Variants in PRKCA observed in about 807,000 individuals in gnomAD.
PRKCA encodes protein kinase C alpha, also known as protein kinase C alpha type.
A neutral mutation model predicts 87.0 loss-of-function variants in PRKCA; 27 were observed. The observed-to-expected ratio is 0.31, with a 90% confidence interval of 0.23 to 0.43. The LOEUF (loss-of-function observed/expected upper bound fraction) is 0.43, where lower values mean the gene tolerates loss of function less well. Ranked by LOEUF, PRKCA falls within the 20% of genes least tolerant of loss-of-function variation. PRKCA has a pLI of 1.00. For synonymous variants in PRKCA, 329 were observed against 311.1 expected, an observed-to-expected ratio of 1.06 and a Z score of -0.61; for missense variants, 518 against 852.3, an observed-to-expected ratio of 0.61 and a Z score of 4.88.
intron 2 of PRKCA, among the ~76,000 whole-genome samples, chr17:66,332,422 T>C (rs1906387435): frequency 6.6e-6 from 1 of 151,918 alleles, no homozygotes; most frequent in African/African-American, 2.4e-5. Flanking sequence ...GAGACAGGGT[T>C]TCCCCATGTT....
At chr17:66,327,284 G>A (rs577762635) in intron 2 of PRKCA, among the ~76,000 whole-genome samples, 4 of 149,448 alleles carry the variant, frequency 2.7e-5, no homozygotes, top group Admixed American at 6.7e-5. Context: ...GGAGAATGGC[G>A]TGAACCCAGG....
chr17:66,781,471 G>T (rs1468338482), intron 14 of PRKCA, among the ~76,000 whole-genome samples: 2 of 152,194 alleles, frequency 1.3e-5, no homozygotes, highest in Non-Finnish European at 2.9e-5. Flanking sequence ...GAAGTGAAAC[G>T]GGTTGTCTTA....
At chr17:66,510,121 C>T (rs1270697101) in intron 3 of PRKCA, among the ~76,000 whole-genome samples, 1 of 152,184 alleles carries the variant, frequency 6.6e-6, no homozygotes, top group Non-Finnish European at 1.5e-5. Context: ...ACTGGCCCAA[C>T]AAGAAACAGA....
intron 2 of PRKCA, among the ~76,000 whole-genome samples, chr17:66,432,592 A>G (rs1014555884): frequency 6.6e-6 from 1 of 152,134 alleles, no homozygotes; most frequent in African/African-American, 2.4e-5. Flanking sequence ...GGGCTTTTCT[A>G]AGTTCCTGTA....
rs976226468 is a variant in PRKCA at position 66,808,397 on chromosome 17, G to A, written c.*4360G>A. ...AAGTGACAATCTTGTATTTTTAAAA[G>A]CCTCGGAAAGGTGATACCATCTGAC... On this transcript the variant is annotated 3_prime_UTR_variant, in exon 17 of 17. Coordinates refer to ENST00000413366, the MANE Select transcript of PRKCA (RefSeq NM_002737.3). The A allele has an allele frequency of 7.5e-4, 103 of 136,998 alleles. No homozygotes were observed. Among genetic ancestry groups the A allele is most frequent in the Admixed American group, 2.1e-3 (27 of 13,140 alleles). The allele number at this position is 136,998 out of a possible 1,614,324, so 8.5% of individuals were successfully genotyped here. A position where few individuals can be genotyped will look rare whatever the true frequency, so the allele number is the denominator to read the frequency against.
chr17:66,513,107 G>A (rs1282605391), intron 3 of PRKCA, among the ~76,000 whole-genome samples: 2 of 152,228 alleles, frequency 1.3e-5, no homozygotes, highest in East Asian at 1.9e-4. Flanking sequence ...TGAAAGCACC[G>A]TGAGAGCAGG....
At chr17:66,359,513 A>G (rs950762678) in intron 2 of PRKCA, among the ~76,000 whole-genome samples, 8 of 152,220 alleles carry the variant, frequency 5.3e-5, no homozygotes, top group African/African-American at 1.7e-4. Flanking sequence ...TTATAGAAGA[A>G]TTCCACCCTG....
rs1976045713 is a variant in PRKCA, at chr17:66,807,004, A to G, written c.*2967A>G. 1 of 152,328 alleles carries G rather than the reference A, an allele frequency of 6.6e-6. No homozygotes were observed. The highest frequency in any genetic ancestry group is 1.5e-5 in the Non-Finnish European group (1 of 68,124). 9.4% of individuals were successfully genotyped at this position (152,328 alleles called of 1,614,324 possible). On this transcript the variant is annotated 3_prime_UTR_variant, in exon 17 of 17. Transcript: ENST00000413366. The surrounding 1 kb of genome is among the most constrained non-coding windows in gnomAD (Gnocchi z 4.3). ...AGACAGTTATTGTTGGAAGACTGTC[A>G]TGTAGATAACCATGAGCAATGGCTC...
intron 3 of PRKCA, among the ~76,000 whole-genome samples, chr17:66,603,278 A>G (rs1004232639): frequency 1.3e-5 from 2 of 152,274 alleles, no homozygotes. Context: ...TGAACGCGTC[A>G]TCTCCTTGAG....
chr17:66,349,865 T>TGAA (rs1392752333), intron 2 of PRKCA, among the ~76,000 whole-genome samples: 3 of 152,206 alleles, frequency 2.0e-5, no homozygotes, highest in African/African-American at 7.2e-5. Flanking sequence ...GTGTGAAACA[T>TGAA]GAAAATGGAG....
At chr17:66,487,503 G>A (rs932488160) in intron 2 of PRKCA, among the ~76,000 whole-genome samples, 2 of 152,180 alleles carry the variant, frequency 1.3e-5, no homozygotes, top group Non-Finnish European at 2.9e-5. Context: ...TGTCTCATCG[G>A]TAGACTGATT....
At chr17:66,734,043 G>A (rs943086042) in intron 9 of PRKCA, among the ~76,000 whole-genome samples, 2 of 152,320 alleles carry the variant, frequency 1.3e-5, no homozygotes, top group African/African-American at 4.8e-5. Flanking sequence ...AGCGAGAGTG[G>A]TTTATCTTGT....
In PRKCA at chr17:66,803,935, A is replaced by C. The variant is rs768822249; in HGVS notation, c.1917A>C (p.Pro639=). The stretch of plus-strand genomic sequence containing the variant: ...CACGAGGACAGCCCGTCTTAACACC[A>C]CCTGATCAGCTGGTTATTGCTAACA... ...FFTRGQPVLT[P]PDQLVIANID... The change falls in exon 17 of 17, where the codon CCA becomes CCC. Residue 639 remains proline, a synonymous_variant. Transcript: ENST00000413366. This position sits in a 1 kb window ranked among gnomAD's most constrained non-coding sequence, Gnocchi z 4.4. 6.2e-7 allele frequency: 1 copy of C among 1,613,770 alleles called. No homozygotes were observed. Among genetic ancestry groups the C allele is most frequent in the South Asian group, 1.1e-5 (1 of 91,082 alleles).
chr17:66,455,198 A>G (rs1250867801), intron 2 of PRKCA, among the ~76,000 whole-genome samples: 1 of 152,206 alleles, frequency 6.6e-6, no homozygotes, highest in Non-Finnish European at 1.5e-5. Context: ...ACTGACTTTC[A>G]TTCACACCGT....
At chr17:66,380,372 C>T (rs1255508256) in intron 2 of PRKCA, among the ~76,000 whole-genome samples, 2 of 151,988 alleles carry the variant, frequency 1.3e-5, no homozygotes, top group Non-Finnish European at 2.9e-5. Context: ...TAATAATTCC[C>T]TTTTCAAAAA....
At chr17:66,510,344 C>A (rs1307794858) in intron 3 of PRKCA, among the ~76,000 whole-genome samples, 1 of 152,178 alleles carries the variant, frequency 6.6e-6, no homozygotes, top group Non-Finnish European at 1.5e-5. Flanking sequence ...CGAAATTATG[C>A]AAGATGCCCA....
At chr17:66,778,697 T>A (rs1462180448) in intron 14 of PRKCA, among the ~76,000 whole-genome samples, 1 of 151,472 alleles carries the variant, frequency 6.6e-6, no homozygotes, top group African/African-American at 2.4e-5. Context: ...AAAAATGAGC[T>A]GGGCGTGGTG....
intron 3 of PRKCA, among the ~76,000 whole-genome samples, chr17:66,562,128 AT>A (rs1968715873): frequency 2.8e-5 from 1 of 36,116 alleles, no homozygotes; most frequent in Non-Finnish European, 4.6e-5. Context: ...TTAAATATAT[AT>A]AATTAAATTA....
At chr17:66,654,486 C>T (rs2143862896) in intron 5 of PRKCA, among the ~76,000 whole-genome samples, 1 of 152,326 alleles carries the variant, frequency 6.6e-6, no homozygotes. Context: ...AGAGCTCCCG[C>T]AGCCTGCCCA....
Sources: allele counts gnomAD v4.1 joint callset (sites outside exome capture counted in the v4.1 genomes callset), GRCh38; gene constraint gnomAD v4.1.1; non-coding constraint Gnocchi (gnomAD v3.1); transcripts MANE v1.5; gene names NCBI Gene and HGNC (gene_info 2026-07-23, HGNC 2026-07-21).